The following MMP16 variants were observed in gnomAD, a reference collection of about 807,000 sequenced individuals.
MMP16 encodes the protein matrix metallopeptidase 16, also known as matrix metalloproteinase-16.
Under a neutral mutation model 67.8 loss-of-function variants are expected in MMP16, and 12 were observed. The observed-to-expected ratio is 0.18, with a 90% confidence interval of 0.11 to 0.29. The LOEUF (loss-of-function observed/expected upper bound fraction) is 0.29. Among genes scored for constraint, MMP16 ranks in the 10% least tolerant of loss-of-function variants. The pLI, the probability that MMP16 is intolerant of heterozygous loss-of-function variation, is 1.00. For synonymous variants in MMP16, 249 were observed against 255.9 expected, an observed-to-expected ratio of 0.97 and a Z score of 0.26; for missense variants, 475 against 765.7, an observed-to-expected ratio of 0.62 and a Z score of 4.48.
At chr8:88,258,276 G>A (rs1255554144) in intron 1 of MMP16, among the ~76,000 whole-genome samples, 4 of 152,130 alleles carry the variant, frequency 2.6e-5, no homozygotes, top group African/African-American at 9.7e-5. Flanking sequence ...CAGCCTTCAA[G>A]AAGAAAGATG....
chr8:88,053,017 T>A (rs1304318488), intron 8 of MMP16, among the ~76,000 whole-genome samples: 1 of 152,222 alleles, frequency 6.6e-6, no homozygotes. Flanking sequence ...GTGGTCTTTC[T>A]ACTACTCCAT....
chr8:88,146,449 G>C (rs1048156073), intron 4 of MMP16, among the ~76,000 whole-genome samples: 1 of 151,620 alleles, frequency 6.6e-6, no homozygotes, highest in Non-Finnish European at 1.5e-5. Context: ...TTGCTGTTTC[G>C]AAAAGCACAT....
chr8:88,133,247 C>T (rs1195599457), intron 4 of MMP16, among the ~76,000 whole-genome samples: 3 of 151,704 alleles, frequency 2.0e-5, no homozygotes, highest in Non-Finnish European at 4.4e-5. Flanking sequence ...AAAATACAAG[C>T]TTCAAAATCT....
At chr8:88,180,008 G>A (rs183510774) in intron 3 of MMP16, among the ~76,000 whole-genome samples, 11 of 152,248 alleles carry the variant, frequency 7.2e-5, no homozygotes, top group African/African-American at 2.2e-4. Flanking sequence ...CTAGGTGGGC[G>A]CGGTGGCTCA....
intron 3 of MMP16, among the ~76,000 whole-genome samples, chr8:88,169,000 C>A (rs1005948494): frequency 4.6e-5 from 7 of 151,634 alleles, no homozygotes; most frequent in African/African-American, 7.3e-5. Flanking sequence ...AATAACCATG[C>A]CCAGCTGATA....
chr8:88,282,794 G>T (rs1810762249), intron 1 of MMP16, among the ~76,000 whole-genome samples: 1 of 152,096 alleles, frequency 6.6e-6, no homozygotes, highest in Non-Finnish European at 1.5e-5. Context: ...TTCTTCAATA[G>T]AATCACATGG....
At chr8:88,213,058 T>C (rs950146678) in intron 1 of MMP16, among the ~76,000 whole-genome samples, 2 of 152,264 alleles carry the variant, frequency 1.3e-5, no homozygotes, top group Middle Eastern at 3.4e-3. Flanking sequence ...TTTTTTTGTA[T>C]GTATAACATG....
chr8:88,161,517 AT>A (rs1168367704), intron 4 of MMP16, among the ~76,000 whole-genome samples: 1 of 151,920 alleles, frequency 6.6e-6, no homozygotes, highest in Non-Finnish European at 1.5e-5. Flanking sequence ...GGATTCATTA[AT>A]TTTTTGAGGG....
chr8:88,248,455 G>A (rs1244923216), intron 1 of MMP16, among the ~76,000 whole-genome samples: 2 of 151,974 alleles, frequency 1.3e-5, no homozygotes, highest in Non-Finnish European at 2.9e-5. Context: ...ATAAAAGGAT[G>A]GAAAATGTAA....
At chr8:88,082,107 C>A (rs1808760844) in intron 6 of MMP16, among the ~76,000 whole-genome samples, 1 of 151,954 alleles carries the variant, frequency 6.6e-6, no homozygotes, top group African/African-American at 2.4e-5. Context: ...AACCCCCAAA[C>A]CTTATAGAAA....
At chr8:88,264,033 CATATATAT>C (rs150086100) in intron 1 of MMP16, among the ~76,000 whole-genome samples, 2 of 134,706 alleles carry the variant, frequency 1.5e-5, no homozygotes, top group East Asian at 2.2e-4. Context: ...AAAAATGGCA[CATATATAT>C]ATATATATAT....
intron 4 of MMP16, among the ~76,000 whole-genome samples, chr8:88,155,183 T>G (rs573514247): frequency 1.7e-4 from 26 of 152,194 alleles, no homozygotes; most frequent in African/African-American, 6.0e-4. Context: ...ACAGTAAGTG[T>G]AATTCAGGAC....
chr8:88,051,568 A>G (rs936693170), intron 8 of MMP16, among the ~76,000 whole-genome samples: 2 of 152,210 alleles, frequency 1.3e-5, no homozygotes, highest in African/African-American at 4.8e-5. Context: ...TAAAAATGCA[A>G]CAGAATAGAA....
At chr8:88,045,676 T>C (rs1217848765) in intron 9 of MMP16, among the ~76,000 whole-genome samples, 3 of 152,134 alleles carry the variant, frequency 2.0e-5, no homozygotes, top group East Asian at 1.9e-4. Flanking sequence ...AATCTTGCAA[T>C]ACACTTAAGG....
chr8:88,097,455 G>A (rs528162471), intron 6 of MMP16, among the ~76,000 whole-genome samples: 1 of 151,306 alleles, frequency 6.6e-6, no homozygotes, highest in African/African-American at 2.4e-5. Flanking sequence ...GCAAAACACT[G>A]TCTCTACAAA....
chr8:88,160,019 G>A (rs955658448), intron 4 of MMP16, among the ~76,000 whole-genome samples: 12 of 151,060 alleles, frequency 7.9e-5, no homozygotes, highest in African/African-American at 2.4e-4. Context: ...TGTGCACAAT[G>A]TGCAGGTTAG....
chr8:88,159,143 A>G (rs188643062), intron 4 of MMP16, among the ~76,000 whole-genome samples: 183 of 152,280 alleles, frequency 1.2e-3, no homozygotes, highest in African/African-American at 4.0e-3. Flanking sequence ...TGTCTTGGCA[A>G]TGTGGGCTCT....
intron 1 of MMP16, among the ~76,000 whole-genome samples, chr8:88,314,549 A>T (rs571159748): frequency 6.6e-6 from 1 of 152,244 alleles, no homozygotes; most frequent in South Asian, 2.1e-4. Context: ...CTTCCTTTTA[A>T]GTGTTGTTAA....
chr8:88,118,381 A>G (rs1809474642), intron 5 of MMP16, among the ~76,000 whole-genome samples: 1 of 151,916 alleles, frequency 6.6e-6, no homozygotes, highest in African/African-American at 2.4e-5. Flanking sequence ...TGTTACATTC[A>G]TTTATTACAT....
Sources: gnomAD v4.1 joint callset for allele counts (sites outside exome capture counted in the v4.1 genomes callset) on GRCh38, gnomAD v4.1.1 for gene constraint, MANE v1.5 for transcripts, NCBI Gene and HGNC (gene_info 2026-07-23, HGNC 2026-07-21) for gene names.